Variants in PCDHA3 observed in about 807,000 individuals in gnomAD.
PCDHA3 encodes protocadherin alpha-3.
Under a neutral mutation model 62.2 loss-of-function variants are expected in PCDHA3, and 41 were observed. The ratio of observed to expected loss-of-function variants is 0.66; its 90% CI spans 0.51 to 0.86. The LOEUF (loss-of-function observed/expected upper bound fraction) is 0.86. PCDHA3 is among the 40% of genes least tolerant of loss of function. The pLI is 0.00. For missense variants in PCDHA3, 1,304 were observed against 1,241.2 expected, an observed-to-expected ratio of 1.05 and a Z score of -0.76; for synonymous variants, 640 against 555.4, an observed-to-expected ratio of 1.15 and a Z score of -2.14.
At chr5:140,859,113 T>C (rs1042936960) in intron 1 of PCDHA3, 1 of 150,138 alleles carries the variant, frequency 6.7e-6, no homozygotes, top group Non-Finnish European at 1.5e-5. Context: ...CAGAAGAAAA[T>C]GTATGTTTCT....
Position 140,877,369 on chromosome 5 carries a change from A to C in PCDHA3, c.2394+73778A>C, listed in dbSNP as rs201135340. 6.4e-5 allele frequency: 103 copies of C among 1,614,000 alleles called. No homozygotes were observed. The African/African-American group carries it at 1.3e-3, about 20-fold the overall frequency. ...GGGGCTGTACACTGGCGAGATCAGC[A>C]CGACACGCATCCTGGATGAGGCGGA... On this transcript the variant is annotated intron_variant, in intron 1 of 3. Transcript: ENST00000522353.
chr5:140,978,989 T>G lies in PCDHA3; in HGVS notation c.2435T>G (p.Leu812Arg). 1 of 1,614,212 alleles carries G rather than the reference T, an allele frequency of 6.2e-7. No individual in the cohort carries two copies. Among genetic ancestry groups the G allele is most frequent in the Non-Finnish European group, 8.5e-7 (1 of 1,180,034 alleles). Residue 812 changes from leucine to arginine, a missense_variant, in exon 2 of 4, where the codon CTG (leucine) becomes CGG (arginine). Transcript: ENST00000522353. Reference protein sequence around the residue: ...PNPDWRYSASLRAGMHSSVHL... With the variant: ...PNPDWRYSASRRAGMHSSVHL... ...CCTGACTGGCGTTACTCTGCCTCCC[T>G]GAGAGCAGGCATGCACAGGTATGTA...
At chr5:140,827,465 T>C (rs2150147677) in intron 1 of PCDHA3, among the ~76,000 whole-genome samples, 16 of 152,372 alleles carry the variant, frequency 1.1e-4, no homozygotes, top group Admixed American at 2.6e-4. Context: ...GAGCATCTGA[T>C]ATTTATTGAA....
intron 1 of PCDHA3, among the ~76,000 whole-genome samples, chr5:140,923,319 A>G (rs1004006693): frequency 1.1e-4 from 16 of 152,264 alleles, no homozygotes; most frequent in African/African-American, 3.9e-4. Flanking sequence ...TTGGCCTAGA[A>G]GTTCAAGGAC....
intron 1 of PCDHA3, among the ~76,000 whole-genome samples, chr5:140,826,211 A>C (rs1554130497): frequency 2.0e-5 from 3 of 152,244 alleles, no homozygotes; most frequent in Non-Finnish European, 4.4e-5. Context: ...CATTTTAAAA[A>C]ATCAAGTTTT....
intron 1 of PCDHA3, chr5:140,834,613 TA>T: frequency 6.2e-6 from 10 of 1,614,054 alleles, no homozygotes; most frequent in Non-Finnish European, 8.5e-6. Flanking sequence ...CTTCTGGAGG[TA>T]AATCTGCAGA....
At position 141,011,912 on chromosome 5, in the gene PCDHA3, T is replaced by C. The variant is rs573561005; in HGVS notation, c.*1975T>C. ...ATTATATTATCTATTTAGGCATTAA[T>C]ATAAAAGAGGTAGGAGTCTGTTATT... On this transcript the variant is annotated 3_prime_UTR_variant, in exon 4 of 4. Coordinates refer to ENST00000522353, the MANE Select transcript of PCDHA3 (RefSeq NM_018906.3). 4 of 153,808 alleles carry C rather than the reference T, an allele frequency of 2.6e-5. No individual in the cohort carries two copies. In the South Asian group the frequency reaches 8.3e-4, roughly 32 times the overall value. 9.5% of individuals were successfully genotyped at this position (153,808 alleles called of 1,614,324 possible).
chr5:140,914,504 T>A (rs1554196424), intron 1 of PCDHA3, among the ~76,000 whole-genome samples: 1 of 152,202 alleles, frequency 6.6e-6, no homozygotes, highest in Non-Finnish European at 1.5e-5. Flanking sequence ...AACAGATCAT[T>A]GGGTCATGTT....
At chr5:140,893,261 C>T (rs2063902016) in intron 1 of PCDHA3, among the ~76,000 whole-genome samples, 1 of 152,104 alleles carries the variant, frequency 6.6e-6, no homozygotes, top group Non-Finnish European at 1.5e-5. Context: ...TGGATAAATG[C>T]CCAATAGTGG....
Position 141,009,722 on chromosome 5 carries a change from G to A in PCDHA3, c.2638G>A (p.Gly880Ser), listed in dbSNP as rs552954748. ...KYGPGNPKQSGPGELPDKFII... is the reference protein window; with the variant it reads ...KYGPGNPKQSSPGELPDKFII... ...CGGACCAGGCAACCCCAAACAATCC[G>A]GTCCCGGTGAGTTGCCCGACAAATT... The change falls in exon 4 of 4, where the codon GGT (glycine) becomes AGT (serine). Residue 880 changes from glycine (G) to serine (S), a missense_variant. Gly to Ser is a moderately conservative substitution (Grantham distance 56). Transcript: ENST00000522353. 5.2e-5 allele frequency: 84 copies of A among 1,614,140 alleles called. No homozygotes were observed. The South Asian group carries it at 6.7e-4, about 13-fold the overall frequency.
At chr5:140,964,266 A>G (rs1408040035) in intron 1 of PCDHA3, among the ~76,000 whole-genome samples, 1 of 152,230 alleles carries the variant, frequency 6.6e-6, no homozygotes, top group Admixed American at 6.5e-5. Context: ...CTCCTTAATA[A>G]TTAAGGCAGT....
In PCDHA3 at chr5:140,829,909, G is replaced by C. The variant is rs1299883375; in HGVS notation, c.2394+26318G>C. On this transcript the variant is annotated intron_variant, in intron 1 of 3. Transcript: ENST00000522353. ...ACGCCGACTCAGGCTACAACGCGTG[G>C]CTTTCGTATGAGCTGCAGCCCCCGG... 1.9e-6 allele frequency: 3 copies of C among 1,613,992 alleles called. No homozygotes were observed. Among genetic ancestry groups the C allele is most frequent in the Non-Finnish European group, 2.5e-6 (3 of 1,179,904 alleles).
rs2150435821 is a variant in PCDHA3 at position 140,849,360 on chromosome 5, A to G, written c.2394+45769A>G. ...CTTCTCCAGTGATGTTTCTCCAGAT[A>G]TAAAATCCAAGTTCCACATGGACCC... On this transcript the variant is annotated intron_variant, in intron 1 of 3. Transcript: ENST00000522353. The G allele has an allele frequency of 6.8e-6, 10 of 1,467,526 alleles. No homozygotes were observed. In the African/African-American group the frequency reaches 1.1e-4, roughly 16 times the overall value. The allele number at this position is 1,467,526 out of a possible 1,614,324, so 90.9% of individuals were successfully genotyped here. A position where few individuals can be genotyped will look rare whatever the true frequency, so the allele number is the denominator to read the frequency against.
chr5:140,967,218 C>T, intron 1 of PCDHA3: 3 of 1,613,744 alleles, frequency 1.9e-6, no homozygotes, highest in South Asian at 1.1e-5. Flanking sequence ...TTCCCGCGGC[C>T]CAACTACCAG....
chr5:140,860,414 C>T (rs1180297544), intron 1 of PCDHA3: 1 of 152,016 alleles, frequency 6.6e-6, no homozygotes, highest in Non-Finnish European at 1.5e-5. Flanking sequence ...ATAGTAACAC[C>T]ATTATCCTGC....
rs75032728 is a variant in PCDHA3 at position 140,932,740 on chromosome 5, T to C, written c.2395-46209T>C. On this transcript the variant is annotated intron_variant, in intron 1 of 3. Coordinates refer to ENST00000522353, the MANE Select transcript of PCDHA3 (RefSeq NM_018906.3). The stretch of plus-strand genomic sequence containing the variant: ...ATATTGTATAATATAGACCCTCAAA[T>C]CAGTAAAAAGGAAAGAAAAAGAACA... 5.5e-3 allele frequency among the ~76,000 whole-genome samples: 829 copies of C among 151,670 alleles called. 4 individuals carry two copies. The highest frequency in any genetic ancestry group is 0.019 in the African/African-American group (798 of 41,410).
chr5:140,941,316 T>C (rs1479003076), intron 1 of PCDHA3, among the ~76,000 whole-genome samples: 1 of 135,480 alleles, frequency 7.4e-6, no homozygotes, highest in African/African-American at 2.7e-5. Flanking sequence ...TTTTCTTCTT[T>C]CTCTTTTTTT....
At chr5:140,823,596 G>A (rs2150127281) in intron 1 of PCDHA3, 38 of 1,613,902 alleles carry the variant, frequency 2.4e-5, no homozygotes, top group South Asian at 1.1e-5. Flanking sequence ...CTTGGCTTTC[G>A]TATGAGCTGC....
rs1770654887 is a variant in PCDHA3, at chr5:140,829,892, T to G, written c.2394+26301T>G. 1 of 1,613,924 alleles carries G rather than the reference T, an allele frequency of 6.2e-7. No individual in the cohort carries two copies. The highest frequency in any genetic ancestry group is 8.5e-7 in the Non-Finnish European group (1 of 1,179,884). On this transcript the variant is annotated intron_variant, in intron 1 of 3. Coordinates refer to ENST00000522353, the MANE Select transcript of PCDHA3 (RefSeq NM_018906.3). The stretch of plus-strand genomic sequence containing the variant: ...GAAGGTGCGCGCAGTTGACGCCGAC[T>G]CAGGCTACAACGCGTGGCTTTCGTA...
Sources: allele counts gnomAD v4.1 joint callset (sites outside exome capture counted in the v4.1 genomes callset), GRCh38; gene constraint gnomAD v4.1.1; transcripts MANE v1.5; gene names NCBI Gene and HGNC (gene_info 2026-07-23, HGNC 2026-07-21).